The following SYT1 variants were observed in gnomAD, a reference collection of about 807,000 sequenced individuals.
SYT1 encodes synaptotagmin-1.
Under a neutral mutation model 44.8 loss-of-function variants are expected in SYT1, and 8 were observed. The ratio of observed to expected loss-of-function variants is 0.18; its 90% CI spans 0.10 to 0.32. The LOEUF (loss-of-function observed/expected upper bound fraction) is 0.32. SYT1 is among the 10% of genes least tolerant of loss of function. SYT1 has a pLI of 1.00. For synonymous variants in SYT1, 154 were observed against 188.8 expected (o/e 0.82, Z 1.51); for missense variants, 286 against 509.3 (o/e 0.56, Z 4.22).
At chr12:79,438,490 A>C (rs768093750) in intron 9 of SYT1, among the ~76,000 whole-genome samples, 6 of 152,212 alleles carry the variant, frequency 3.9e-5, no homozygotes, top group Non-Finnish European at 7.3e-5. Context: ...GTTTCACTCA[A>C]AGTTTATGCC....
intron 9 of SYT1, among the ~76,000 whole-genome samples, chr12:79,438,049 T>A (rs989842776): frequency 6.6e-6 from 1 of 152,114 alleles, no homozygotes; most frequent in African/African-American, 2.4e-5. Flanking sequence ...TCAGGAATTA[T>A]CTGGAAAAGA....
At chr12:79,229,254 A>G (rs183475037) in intron 4 of SYT1, among the ~76,000 whole-genome samples, 19 of 152,334 alleles carry the variant, frequency 1.2e-4, no homozygotes, top group Non-Finnish European at 2.4e-4. Context: ...ACTGCTACAA[A>G]CAACTATTTA....
chr12:79,268,949 G>C (rs2138759797), intron 4 of SYT1, among the ~76,000 whole-genome samples: 1 of 152,260 alleles, frequency 6.6e-6, no homozygotes, highest in East Asian at 1.9e-4. Flanking sequence ...AAGGATGAAA[G>C]AGAGGCAGGT....
At chr12:78,971,438 T>G (rs2137390146) in intron 1 of SYT1, among the ~76,000 whole-genome samples, 1 of 152,240 alleles carries the variant, frequency 6.6e-6, no homozygotes, top group African/African-American at 2.4e-5. Flanking sequence ...GTTGAGATTT[T>G]AGAAATAATA....
chr12:79,308,612 A>AAAAGAAAGAAAGAAAG lies in SYT1; in HGVS notation c.810+9093_810+9108dup, dbSNP rs199999817. ...GAAAGAAGAAAGAAAGAAAGAAAGAAAAAGAAAGAAAGAAAGAAAGAAAGA... is the reference window on the plus strand; with the variant it reads ...GAAAGAAGAAAGAAAGAAAGAAAGAAAAAGAAAGAAAGAAAGAAAGAAAGAAAGAAAGAAAGAAAGA... On this transcript the variant is annotated intron_variant, in intron 8 of 10. Transcript: ENST00000261205. Among the ~76,000 whole-genome samples the AAAAGAAAGAAAGAAAG allele has an allele frequency of 7.2e-4, 96 of 134,234 alleles. 1 individual carries two copies. Among genetic ancestry groups the AAAAGAAAGAAAGAAAG allele is most frequent in the African/African-American group, 2.2e-3 (77 of 35,178 alleles). The allele number at this position is 134,234 out of a possible 152,430, so 88.1% of individuals were successfully genotyped here.
chr12:78,966,089 A>G (rs1194455604), intron 1 of SYT1, among the ~76,000 whole-genome samples: 2 of 151,974 alleles, frequency 1.3e-5, no homozygotes, highest in African/African-American at 2.4e-5. Flanking sequence ...AAAAAAAAAA[A>G]AAAAATTATT....
chr12:78,942,515 T>C (rs1878431486), intron 1 of SYT1, among the ~76,000 whole-genome samples: 2 of 152,178 alleles, frequency 1.3e-5, no homozygotes, highest in African/African-American at 4.8e-5. Context: ...AGGCATTCCA[T>C]GACCTTTCCA....
chr12:78,867,086 T>C (rs1873585243), intron 1 of SYT1, among the ~76,000 whole-genome samples: 1 of 151,498 alleles, frequency 6.6e-6, no homozygotes, highest in Non-Finnish European at 1.5e-5. Flanking sequence ...GTGTCTCTGT[T>C]GAAAGCTAAC....
chr12:79,086,466 A>G (rs1877391133), intron 3 of SYT1, among the ~76,000 whole-genome samples: 1 of 152,174 alleles, frequency 6.6e-6, no homozygotes, highest in Non-Finnish European at 1.5e-5. Context: ...TGAATATTGA[A>G]CTAATAGCAT....
At chr12:79,071,237 GT>G (rs199593247) in intron 3 of SYT1, among the ~76,000 whole-genome samples, 2,232 of 152,126 alleles carry the variant, frequency 0.015, 26 homozygotes, top group Middle Eastern at 0.075. Flanking sequence ...AGAAATCTTT[GT>G]AAATTTTATT....
At chr12:79,314,863 A>G (rs1408420870) in intron 8 of SYT1, among the ~76,000 whole-genome samples, 6 of 152,220 alleles carry the variant, frequency 3.9e-5, no homozygotes, top group Admixed American at 3.9e-4. Flanking sequence ...GTATATCCAT[A>G]CAATAGAAAA....
rs1232569921 is a variant in SYT1, at chr12:79,129,477, G to A, written c.-18+82115G>A. Among the ~76,000 whole-genome samples, 3 of 152,168 alleles carry A rather than the reference G, an allele frequency of 2.0e-5. No individual in the cohort carries two copies. The East Asian group carries it at 5.8e-4, about 29-fold the overall frequency. On this transcript the variant is annotated intron_variant, in intron 3 of 10. Transcript: ENST00000261205. ...CAAGCTGATAAAAGTTATACTGAAA[G>A]GAAGAGTCACTGTTGAAAGAAGATC...
intron 1 of SYT1, among the ~76,000 whole-genome samples, chr12:78,914,888 C>G (rs1347040240): frequency 3.3e-5 from 5 of 151,860 alleles, no homozygotes. Flanking sequence ...AATTATAATA[C>G]AAAAGTGAAG....
intron 3 of SYT1, among the ~76,000 whole-genome samples, chr12:79,150,049 T>C (rs1870170824): frequency 6.6e-6 from 1 of 152,206 alleles, no homozygotes; most frequent in Admixed American, 6.5e-5. Context: ...TAATTGTATA[T>C]GTTGATGGGG....
intron 8 of SYT1, among the ~76,000 whole-genome samples, chr12:79,348,261 G>A (rs1231156854): frequency 1.3e-5 from 2 of 152,176 alleles, no homozygotes; most frequent in Admixed American, 1.3e-4. Context: ...GATGCAGAGA[G>A]GCTATTATGA....
intron 10 of SYT1, among the ~76,000 whole-genome samples, chr12:79,444,916 T>C (rs979759593): frequency 6.6e-6 from 1 of 152,162 alleles, no homozygotes; most frequent in Non-Finnish European, 1.5e-5. Context: ...TCTCCATAGT[T>C]AGCCTATAAG....
At chr12:79,193,210 T>C (rs935829255) in intron 3 of SYT1, among the ~76,000 whole-genome samples, 1 of 152,188 alleles carries the variant, frequency 6.6e-6, no homozygotes, top group Non-Finnish European at 1.5e-5. Flanking sequence ...GTTTACAGTA[T>C]GACTTTTTGA....
intron 3 of SYT1, among the ~76,000 whole-genome samples, chr12:79,160,302 G>A (rs574831421): frequency 6.6e-6 from 1 of 152,212 alleles, no homozygotes; most frequent in South Asian, 2.1e-4. Flanking sequence ...GGGATCCCCA[G>A]CAGGCAGTTG....
intron 3 of SYT1, among the ~76,000 whole-genome samples, chr12:79,201,551 A>T (rs1873785135): frequency 6.6e-6 from 1 of 152,166 alleles, no homozygotes; most frequent in Non-Finnish European, 1.5e-5. Context: ...TTTCGGTGTG[A>T]CTGACACTAC....
Sources: gnomAD v4.1 joint callset for allele counts (sites outside exome capture counted in the v4.1 genomes callset) on GRCh38, gnomAD v4.1.1 for gene constraint, MANE v1.5 for transcripts, NCBI Gene and HGNC (gene_info 2026-07-23, HGNC 2026-07-21) for gene names.